Variants in SLC20A2 observed in about 807,000 individuals in gnomAD.
SLC20A2 encodes the protein sodium-dependent phosphate transporter 2.
Under a neutral mutation model 61.0 loss-of-function variants are expected in SLC20A2, and 30 were observed. The ratio of observed to expected loss-of-function variants is 0.49; its 90% CI spans 0.37 to 0.67. The LOEUF is 0.67. Among genes scored for constraint, SLC20A2 ranks in the 30% least tolerant of loss-of-function variants. SLC20A2 has a pLI of 0.00. For missense variants in SLC20A2, 626 were observed against 866.4 expected (o/e 0.72, Z 3.48); for synonymous variants, 351 against 353.3 (o/e 0.99, Z 0.07).
upstream of SLC20A2, among the ~76,000 whole-genome samples, chr8:42,505,930 A>AAAC (rs1810668848): frequency 6.6e-6 from 1 of 151,278 alleles, no homozygotes; most frequent in African/African-American, 2.4e-5. Context: ...ATTGAAGAAA[A>AAAC]AACTCTTCAA....
At chr8:42,515,803 A>T (rs1171197440) in intron 1 of SLC20A2, among the ~76,000 whole-genome samples, 2 of 152,210 alleles carry the variant, frequency 1.3e-5, no homozygotes, top group African/African-American at 4.8e-5. Flanking sequence ...ATGTTTGACA[A>T]TATTTATGTA....
intron 10 of SLC20A2, among the ~76,000 whole-genome samples, chr8:42,419,866 T>C (rs1426851764): frequency 6.6e-6 from 1 of 152,200 alleles, no homozygotes; most frequent in Non-Finnish European, 1.5e-5. Flanking sequence ...ATATATTTAC[T>C]GAATTTCACT....
At chr8:42,426,844 T>C (rs1355602204) in intron 10 of SLC20A2, among the ~76,000 whole-genome samples, 1 of 152,254 alleles carries the variant, frequency 6.6e-6, no homozygotes, top group African/African-American at 2.4e-5. Flanking sequence ...AGACAACTGA[T>C]GCCTATAGAA....
intron 2 of SLC20A2, among the ~76,000 whole-genome samples, chr8:42,467,858 G>A (rs1441680730): frequency 1.3e-5 from 2 of 152,106 alleles, no homozygotes; most frequent in African/African-American, 4.8e-5. Flanking sequence ...AGAAAGCCAG[G>A]GTTTGGAGCA....
chr8:42,484,385 T>C (rs1563511306), intron 1 of SLC20A2, among the ~76,000 whole-genome samples: 1 of 152,230 alleles, frequency 6.6e-6, no homozygotes, highest in Non-Finnish European at 1.5e-5. Context: ...CTATGGAGAC[T>C]GAGAGTGAAA....
chr8:42,531,226 C>T (rs1812298816), intron 1 of SLC20A2, among the ~76,000 whole-genome samples: 1 of 152,146 alleles, frequency 6.6e-6, no homozygotes, highest in South Asian at 2.1e-4. Flanking sequence ...TTGTTAGTAG[C>T]CTAATTGTGG....
chr8:42,485,235 G>A (rs1475659836), intron 1 of SLC20A2, among the ~76,000 whole-genome samples: 2 of 152,058 alleles, frequency 1.3e-5, no homozygotes, highest in African/African-American at 2.4e-5. Flanking sequence ...ATTTCCCTGG[G>A]TACACTCACG....
chr8:42,471,400 G>A (rs910411870), intron 2 of SLC20A2, among the ~76,000 whole-genome samples: 1 of 152,176 alleles, frequency 6.6e-6, no homozygotes, highest in African/African-American at 2.4e-5. Context: ...CACACTTCAT[G>A]TAGACAACTT....
At chr8:42,444,571 A>T in intron 6 of SLC20A2, 75 bp downstream of exon 6, 1 of 1,098,504 alleles carries the variant, frequency 9.1e-7, no homozygotes, top group Non-Finnish European at 1.4e-6. Flanking sequence ...ATTAGTAAGG[A>T]TCATGGCATG....
intron 1 of SLC20A2, among the ~76,000 whole-genome samples, chr8:42,496,682 T>TC (rs757096388): frequency 2.6e-5 from 4 of 152,260 alleles, no homozygotes; most frequent in Non-Finnish European, 5.9e-5. Flanking sequence ...TGTGTCCCTC[T>TC]CCTCTATCTC....
chr8:42,443,155 C>T (rs1804908717), intron 6 of SLC20A2, among the ~76,000 whole-genome samples: 1 of 147,532 alleles, frequency 6.8e-6, no homozygotes, highest in Non-Finnish European at 1.5e-5. Flanking sequence ...TAGTACTATA[C>T]AGTAGAGTAC....
chr8:42,453,380 G>C (rs1805895165), intron 5 of SLC20A2, among the ~76,000 whole-genome samples: 1 of 152,166 alleles, frequency 6.6e-6, no homozygotes, highest in Non-Finnish European at 1.5e-5. Context: ...TCTTTGAAGT[G>C]TAAGAATGAC....
intron 5 of SLC20A2, among the ~76,000 whole-genome samples, chr8:42,452,434 AGAT>A (rs1384968298): frequency 4.1e-5 from 6 of 146,942 alleles, no homozygotes; most frequent in Admixed American, 3.4e-4. Flanking sequence ...GAGGAGGAAG[AGAT>A]GAAGAGGAGG....
At chr8:42,530,967 G>A (rs974500531) in intron 1 of SLC20A2, among the ~76,000 whole-genome samples, 4 of 152,080 alleles carry the variant, frequency 2.6e-5, no homozygotes, top group Admixed American at 2.0e-4. Context: ...TGATCTGCCC[G>A]CCTCGGCCTC....
At chr8:42,421,038 C>A (rs1219770531) in intron 10 of SLC20A2, among the ~76,000 whole-genome samples, 2 of 152,150 alleles carry the variant, frequency 1.3e-5, no homozygotes, top group Admixed American at 6.5e-5. Flanking sequence ...CAAGTAAAAT[C>A]CTGTTCAGGT....
chr8:42,522,355 G>A (rs1317164342), intron 1 of SLC20A2, among the ~76,000 whole-genome samples: 3 of 121,892 alleles, frequency 2.5e-5, no homozygotes, highest in African/African-American at 7.6e-5. Flanking sequence ...GTTAAGAAAA[G>A]TAATACAATT....
intron 1 of SLC20A2, among the ~76,000 whole-genome samples, chr8:42,483,380 A>C (rs1209981836): frequency 2.6e-5 from 4 of 152,180 alleles, no homozygotes; most frequent in Admixed American, 2.6e-4. Context: ...TTAAAAACAA[A>C]CAAACTAATT....
intron 2 of SLC20A2, among the ~76,000 whole-genome samples, chr8:42,470,266 G>A (rs953494361): frequency 1.4e-5 from 2 of 148,012 alleles, no homozygotes; most frequent in South Asian, 2.1e-4. Flanking sequence ...CGCCCATGCT[G>A]GAGTGCAGTG....
chr8:42,531,685 A>C (rs1812330368), intron 1 of SLC20A2, among the ~76,000 whole-genome samples: 1 of 152,188 alleles, frequency 6.6e-6, no homozygotes, highest in Admixed American at 6.5e-5. Context: ...CCACACAAGA[A>C]ACGAAAAGGG....
Sources: gnomAD v4.1 joint callset for allele counts (sites outside exome capture counted in the v4.1 genomes callset) on GRCh38, gnomAD v4.1.1 for gene constraint, MANE v1.5 for transcripts, NCBI Gene and HGNC (gene_info 2026-07-23, HGNC 2026-07-21) for gene names.